Variants in ATXN7L1 observed in about 807,000 individuals in gnomAD.
ATXN7L1 encodes the protein ataxin 7 like 1, also known as ataxin-7-like protein 1.
Under a neutral mutation model 70.8 loss-of-function variants are expected in ATXN7L1, and 15 were observed. The ratio of observed to expected loss-of-function variants is 0.21; its 90% confidence interval spans 0.14 to 0.33. The LOEUF is 0.33. Among genes scored for constraint, ATXN7L1 ranks in the 10% least tolerant of loss-of-function variants. ATXN7L1 has a pLI of 1.00. For missense variants in ATXN7L1, 975 were observed against 1,097.1 expected (o/e 0.89, Z 1.57); for synonymous variants, 440 against 445.1 (o/e 0.99, Z 0.14).
chr7:105,643,588 G>T (rs1309446868), intron 4 of ATXN7L1, among the ~76,000 whole-genome samples: 1 of 152,192 alleles, frequency 6.6e-6, no homozygotes, highest in African/African-American at 2.4e-5. Context: ...CATCTGCTTA[G>T]CTCCGGAGTG....
chr7:105,875,627 A>ACCC (rs3835024), intron 2 of ATXN7L1, among the ~76,000 whole-genome samples, 185 bp downstream of exon 2: 15,895 of 94,044 alleles, frequency 0.17, 1,590 homozygotes, highest in East Asian at 0.27. Context: ...ACCCCCCTTT[A>ACCC]CCCCCCCCCC....
intron 3 of ATXN7L1, among the ~76,000 whole-genome samples, chr7:105,775,133 A>G (rs1037160100): frequency 2.0e-5 from 3 of 152,132 alleles, no homozygotes; most frequent in Admixed American, 2.0e-4. Flanking sequence ...TCTATTTCCT[A>G]TGAGTCTCCT....
intron 2 of ATXN7L1, among the ~76,000 whole-genome samples, chr7:105,807,809 A>C (rs1242544865): frequency 6.6e-6 from 1 of 152,148 alleles, no homozygotes; most frequent in Non-Finnish European, 1.5e-5. Context: ...GGCCTCTTTG[A>C]CCATCCAGCC....
At chr7:105,867,120 TG>T (rs992826417) in intron 2 of ATXN7L1, among the ~76,000 whole-genome samples, 1 of 152,166 alleles carries the variant, frequency 6.6e-6, no homozygotes, top group Non-Finnish European at 1.5e-5. Flanking sequence ...AGCATCAACA[TG>T]GCCTCACAGT....
At position 105,731,595 on chromosome 7, in the gene ATXN7L1, C is replaced by T. The variant is rs567373305; in HGVS notation, c.355+57009G>A. ...GATTACATGCACCCACCACCACGCC[C>T]GGCTAATTTTTTTATTTTTTAAGTA... is the stretch of plus-strand genomic sequence containing the variant. On this transcript the variant is annotated intron_variant, in intron 3 of 11. Coordinates refer to ENST00000419735, the MANE Select transcript of ATXN7L1 (RefSeq NM_020725.2). Among the ~76,000 whole-genome samples the T allele has an allele frequency of 7.3e-5, 11 of 151,278 alleles. No individual in the cohort carries two copies. In the South Asian group the frequency reaches 2.1e-3, roughly 29 times the overall value.
chr7:105,795,057 G>T (rs962861198), intron 2 of ATXN7L1, among the ~76,000 whole-genome samples: 3 of 152,158 alleles, frequency 2.0e-5, no homozygotes, highest in Admixed American at 6.5e-5. Flanking sequence ...GTTCTCCCAG[G>T]CCTCTGTCCA....
At chr7:105,674,492 C>T (rs1209576559) in intron 3 of ATXN7L1, among the ~76,000 whole-genome samples, 1 of 151,952 alleles carries the variant, frequency 6.6e-6, no homozygotes, top group African/African-American at 2.4e-5. Flanking sequence ...TCTTAGATAT[C>T]AGATGGGGGA....
chr7:105,630,511 T>A (rs907012924), intron 7 of ATXN7L1, among the ~76,000 whole-genome samples: 1 of 152,010 alleles, frequency 6.6e-6, no homozygotes, highest in Non-Finnish European at 1.5e-5. Context: ...TCCTCACTTT[T>A]AAAAAGAGGC....
intron 3 of ATXN7L1, among the ~76,000 whole-genome samples, chr7:105,737,245 C>G (rs1797483470): frequency 6.6e-6 from 1 of 152,216 alleles, no homozygotes; most frequent in African/African-American, 2.4e-5. Flanking sequence ...TCTTTTGCGC[C>G]TTTCCCAAAT....
chr7:105,608,141 A>T lies in ATXN7L1; in HGVS notation c.2548-251T>A, dbSNP rs1188487104. Among the ~76,000 whole-genome samples the T allele has an allele frequency of 2.0e-5, 3 of 152,356 alleles. No individual in the cohort carries two copies. In the East Asian group the frequency reaches 5.8e-4, roughly 29 times the overall value. ...CACTGTGGAGGAAAACACAAGGACG[A>T]ATGCCGCGGACATTCCTGGGAGTCC... On this transcript the variant is annotated intron_variant, in intron 11 of 11. Coordinates refer to ENST00000419735, the MANE Select transcript of ATXN7L1 (RefSeq NM_020725.2).
At chr7:105,857,959 G>A (rs1815984912) in intron 2 of ATXN7L1, among the ~76,000 whole-genome samples, 1 of 152,102 alleles carries the variant, frequency 6.6e-6, no homozygotes, top group African/African-American at 2.4e-5. Flanking sequence ...ATAGGCTGGT[G>A]CAGTGTTCAT....
Position 105,876,500 on chromosome 7 carries a change from C to G in ATXN7L1, c.59G>C (p.Gly20Ala). ...TGCTCTTCCTTCTTGTTGCTTTTTC[C>G]CTGTTCCTTCGGCAGCAGCAGCCGA... ...CLSAAAAEGT[G>A]KKQQEGRAMA... Residue 20 changes from glycine to alanine, a missense_variant, in exon 1 of 12, where the codon GGG (glycine) becomes GCG (alanine). By Grantham distance (60) the Gly-to-Ala change is moderately conservative (BLOSUM62 0). Transcript: ENST00000419735. 1.2e-6 allele frequency: 2 copies of G among 1,613,524 alleles called. No homozygotes were observed. Among genetic ancestry groups the G allele is most frequent in the Non-Finnish European group, 1.7e-6 (2 of 1,179,740 alleles).
At chr7:105,826,147 G>A (rs756157805) in intron 2 of ATXN7L1, among the ~76,000 whole-genome samples, 1 of 152,242 alleles carries the variant, frequency 6.6e-6, no homozygotes, top group South Asian at 2.1e-4. Flanking sequence ...AGTGGGTAGA[G>A]ACAGGGCAAG....
intron 2 of ATXN7L1, chr7:105,819,371 T>C (rs1809720246): frequency 8.4e-6 from 4 of 473,638 alleles, no homozygotes; most frequent in South Asian, 6.3e-5. Context: ...AAAAAATCTG[T>C]ATATGCTGGA....
intron 2 of ATXN7L1, among the ~76,000 whole-genome samples, chr7:105,813,661 A>T (rs910009222): frequency 6.6e-6 from 1 of 152,122 alleles, no homozygotes; most frequent in Non-Finnish European, 1.5e-5. Context: ...TTAATAATGC[A>T]CACTAGACTC....
At chr7:105,656,047 T>C (rs1562959423) in intron 4 of ATXN7L1, among the ~76,000 whole-genome samples, 1 of 152,228 alleles carries the variant, frequency 6.6e-6, no homozygotes, top group Non-Finnish European at 1.5e-5. Context: ...CAACAAGCCA[T>C]CCAGGGGAGG....
intron 3 of ATXN7L1, among the ~76,000 whole-genome samples, chr7:105,685,161 A>AT (rs1158407996): frequency 6.6e-6 from 1 of 152,070 alleles, no homozygotes; most frequent in Non-Finnish European, 1.5e-5. Flanking sequence ...GCTGTAATCT[A>AT]TAGAAGGAGC....
chr7:105,660,050 T>A (rs1317713679), intron 4 of ATXN7L1, among the ~76,000 whole-genome samples: 1 of 152,046 alleles, frequency 6.6e-6, no homozygotes, highest in Non-Finnish European at 1.5e-5. Context: ...TCCCTTGTAC[T>A]CCAGCCCTAC....
chr7:105,743,116 G>C (rs1343336446), intron 3 of ATXN7L1, among the ~76,000 whole-genome samples: 1 of 152,176 alleles, frequency 6.6e-6, no homozygotes, highest in Non-Finnish European at 1.5e-5. Context: ...TGGCCTCCCA[G>C]CTTCTGTAAT....
Sources: allele counts gnomAD v4.1 joint callset (sites outside exome capture counted in the v4.1 genomes callset), GRCh38; gene constraint gnomAD v4.1.1; transcripts MANE v1.5; gene names NCBI Gene and HGNC (gene_info 2026-07-23, HGNC 2026-07-21).